RNF145: variants seen among roughly 807,000 people sequenced by gnomAD.
RNF145 encodes ring finger protein 145.
Under a neutral mutation model 57.3 loss-of-function variants are expected in RNF145, and 12 were observed. That is an observed-to-expected ratio of 0.21 (90% CI 0.13 to 0.34). The LOEUF (loss-of-function observed/expected upper bound fraction) is 0.34, where lower values mean the gene tolerates loss of function less well. Among genes scored for constraint, RNF145 ranks in the 10% least tolerant of loss-of-function variants. The pLI, the probability that RNF145 is intolerant of heterozygous loss-of-function variation, is 1.00. For missense variants in RNF145, 429 were observed against 799.0 expected, an observed-to-expected ratio of 0.54 and a Z score of 5.58; for synonymous variants, 262 against 288.3, an observed-to-expected ratio of 0.91 and a Z score of 0.92.
chr5:159,198,688 A>T (rs569376726), intron 2 of RNF145, among the ~76,000 whole-genome samples: 1 of 152,224 alleles, frequency 6.6e-6, no homozygotes, highest in South Asian at 2.1e-4. Context: ...AAATGTCCAT[A>T]GGCTATTTAG....
At chr5:159,170,788 G>C (rs1784524519) in intron 6 of RNF145, among the ~76,000 whole-genome samples, 1 of 152,188 alleles carries the variant, frequency 6.6e-6, no homozygotes, top group Admixed American at 6.6e-5. Flanking sequence ...ACAAGGTCTT[G>C]CTATGTTGCC....
chr5:159,209,306 C>A lies in RNF145; in HGVS notation c.-115G>T. ...TCCGCAACTCCCCGGCTCTCTCGCCCGCCCTCCCGTTCTCCTCGGGCGGCG... is the reference window on the plus strand; with the variant it reads ...TCCGCAACTCCCCGGCTCTCTCGCCAGCCCTCCCGTTCTCCTCGGGCGGCG... On this transcript the variant is annotated 5_prime_UTR_variant, in exon 1 of 11. Coordinates refer to ENST00000424310, the MANE Select transcript of RNF145 (RefSeq NM_001199383.2). 1.0e-6 allele frequency: 1 copy of A among 985,514 alleles called. No homozygotes were observed. The highest frequency in any genetic ancestry group is 1.2e-6 in the Non-Finnish European group (1 of 829,944). 61.0% of individuals were successfully genotyped at this position (985,514 alleles called of 1,614,324 possible). A position where few individuals can be genotyped will look rare whatever the true frequency, so the allele number is the denominator to read the frequency against.
intron 6 of RNF145, among the ~76,000 whole-genome samples, chr5:159,170,104 A>G (rs1003108606): frequency 3.3e-5 from 5 of 152,228 alleles, no homozygotes; most frequent in African/African-American, 1.2e-4. Flanking sequence ...AAATGTTCAC[A>G]TCTTAAGAAA....
intron 3 of RNF145, among the ~76,000 whole-genome samples, chr5:159,194,360 C>T (rs35745170): frequency 0.11 from 16,910 of 152,148 alleles, 1,265 homozygotes; most frequent in East Asian, 0.29. Flanking sequence ...TTAGTAGAGA[C>T]GAGGTTTCAC....
At position 159,161,388 on chromosome 5, in the gene RNF145, C is replaced by A; in HGVS notation, c.1504G>T (p.Ala502Ser). Residue 502 changes from alanine (A) to serine (S), a missense_variant, in exon 10 of 11, where the codon GCC becomes TCC. By Grantham distance (99) the Ala-to-Ser change is moderately conservative. Transcript: ENST00000424310. Reference sequence around the variant, plus strand: ...AGAAAGCTCTTCCACCCCAGCTGGGCCCGAAGCCACACGTTATAGTAGGAA... The same window carrying A: ...AGAAAGCTCTTCCACCCCAGCTGGGACCGAAGCCACACGTTATAGTAGGAA... ...IHSYYNVWLRAQLGWKSFLLR... is the reference protein window; with the variant it reads ...IHSYYNVWLRSQLGWKSFLLR... The A allele has an allele frequency of 6.2e-7, 1 of 1,614,168 alleles. No individual in the cohort carries two copies. The highest frequency in any genetic ancestry group is 8.5e-7 in the Non-Finnish European group (1 of 1,180,000).
intron 3 of RNF145, among the ~76,000 whole-genome samples, chr5:159,193,844 T>C (rs1242088739): frequency 6.6e-6 from 1 of 152,222 alleles, no homozygotes; most frequent in Non-Finnish European, 1.5e-5. Context: ...ATATGCAAGG[T>C]CACTCCTCTT....
In RNF145 at chr5:159,207,775, T is replaced by C. The variant is rs748778745; in HGVS notation, c.-40+1456A>G. On this transcript the variant is annotated intron_variant, in intron 1 of 10. Coordinates refer to ENST00000424310, the MANE Select transcript of RNF145 (RefSeq NM_001199383.2). ...TGTACCTGATCTCCACATAAACTACTAGCAATTCTGTGGTTTCTCATCATC... is the reference window on the plus strand; with the variant it reads ...TGTACCTGATCTCCACATAAACTACCAGCAATTCTGTGGTTTCTCATCATC... 4 of 1,614,180 alleles carry C rather than the reference T, an allele frequency of 2.5e-6. No individual in the cohort carries two copies. In the Admixed American group the frequency reaches 5.0e-5, roughly 20 times the overall value.
rs1372661039 is a variant in RNF145 at position 159,157,580 on chromosome 5, T to A, written c.*1090A>T. On this transcript the variant is annotated 3_prime_UTR_variant, in exon 11 of 11. Transcript: ENST00000424310. ...AATAAATGACTAGTTTCTTTTCATA[T>A]CAAAATTCCCATAAAAAATTACATT... is the stretch of plus-strand genomic sequence containing the variant. 1 of 151,148 alleles carries A rather than the reference T, an allele frequency of 6.6e-6. No individual in the cohort carries two copies. The highest frequency in any genetic ancestry group is 1.5e-5 in the Non-Finnish European group (1 of 67,134). The allele number at this position is 151,148 out of a possible 1,614,324, so 9.4% of individuals were successfully genotyped here.
intron 3 of RNF145, among the ~76,000 whole-genome samples, chr5:159,193,807 T>C (rs1006056448): frequency 3.3e-5 from 5 of 152,196 alleles, no homozygotes; most frequent in African/African-American, 1.2e-4. Flanking sequence ...CCAAAATCTG[T>C]TTCAGACTCT....
intron 2 of RNF145, among the ~76,000 whole-genome samples, chr5:159,196,350 C>A (rs1785461429): frequency 1.3e-5 from 2 of 151,890 alleles, no homozygotes; most frequent in South Asian, 2.1e-4. Context: ...AGATTGGACA[C>A]CCTGATATAC....
rs1391580300 is a variant in RNF145 at position 159,192,670 on chromosome 5, C to T, written c.293+2046G>A. 3.3e-5 allele frequency among the ~76,000 whole-genome samples: 5 copies of T among 152,110 alleles called. No individual in the cohort carries two copies. The South Asian group carries it at 8.3e-4, about 25-fold the overall frequency. On this transcript the variant is annotated intron_variant, in intron 3 of 10. Coordinates refer to ENST00000424310, the MANE Select transcript of RNF145 (RefSeq NM_001199383.2). ...AAACTGTGGTAAGAGCTTTATATAC[C>T]TTATCTTATTTGATCTTACAACAGC...
Position 159,209,335 on chromosome 5 carries a change from G to A in RNF145, c.-144C>T, listed in dbSNP as rs1786022613. 4 of 985,780 alleles carry A rather than the reference G, an allele frequency of 4.1e-6. No homozygotes were observed. The highest frequency in any genetic ancestry group is 4.8e-6 in the Non-Finnish European group (4 of 830,012). The allele number at this position is 985,780 out of a possible 1,614,324, so 61.1% of individuals were successfully genotyped here. A position where few individuals can be genotyped will look rare whatever the true frequency, so the allele number is the denominator to read the frequency against. ...CTCCCGTTCTCCTCGGGCGGCGGCG[G>A]GGGCCGGTACGGCACGGCTCACAGC... is the stretch of plus-strand genomic sequence containing the variant. On this transcript the variant is annotated 5_prime_UTR_variant, in exon 1 of 11. Transcript: ENST00000424310.
intron 3 of RNF145, among the ~76,000 whole-genome samples, chr5:159,186,163 G>A (rs1785048062): frequency 6.6e-6 from 1 of 152,088 alleles, no homozygotes; most frequent in Non-Finnish European, 1.5e-5. Context: ...AGGGGCAGGG[G>A]TTGCAGTGAG....
chr5:159,185,008 C>T (rs1261592479), intron 3 of RNF145, among the ~76,000 whole-genome samples: 1 of 152,172 alleles, frequency 6.6e-6, no homozygotes, highest in Non-Finnish European at 1.5e-5. Flanking sequence ...TTGTCCTCCT[C>T]TAGGATCCCA....
intron 1 of RNF145, chr5:159,207,497 A>G: frequency 6.5e-7 from 1 of 1,527,504 alleles, no homozygotes; most frequent in Non-Finnish European, 8.8e-7. Context: ...TCTTTCTCCC[A>G]ACCAGTTAAA....
chr5:159,187,109 T>A (rs1183378761), intron 3 of RNF145, among the ~76,000 whole-genome samples: 2 of 151,500 alleles, frequency 1.3e-5, no homozygotes, highest in African/African-American at 4.8e-5. Context: ...GGTGAAAGCC[T>A]GTCTATACTA....
rs949872602 is a variant in RNF145 at position 159,181,835 on chromosome 5, G to A, written c.385+125C>T. ...AAACCACCAAACAATGGGTATATGT[G>A]GGAAAAGTCCCCATGAATCACTTTT... On this transcript the variant is annotated intron_variant, in intron 4 of 10. Coordinates refer to ENST00000424310, the MANE Select transcript of RNF145 (RefSeq NM_001199383.2). 1.3e-5 allele frequency: 8 copies of A among 604,726 alleles called. No individual in the cohort carries two copies. The Admixed American group carries it at 1.9e-4, about 14-fold the overall frequency. 37.5% of individuals were successfully genotyped at this position (604,726 alleles called of 1,614,324 possible).
intron 4 of RNF145, among the ~76,000 whole-genome samples, chr5:159,181,362 TA>T (rs1784888067): frequency 6.6e-6 from 1 of 152,080 alleles, no homozygotes; most frequent in Non-Finnish European, 1.5e-5. Flanking sequence ...TCTCTAATAT[TA>T]GGCCTGTTAA....
intron 9 of RNF145, among the ~76,000 whole-genome samples, chr5:159,162,420 A>ATTTTTTT (rs1188848279): frequency 2.5e-5 from 3 of 120,024 alleles, no homozygotes; most frequent in African/African-American, 1.1e-4. Flanking sequence ...TTTATGTAAT[A>ATTTTTTT]TTTTCTTTTT....
Sources: gnomAD v4.1 joint callset for allele counts (sites outside exome capture counted in the v4.1 genomes callset) on GRCh38, gnomAD v4.1.1 for gene constraint, MANE v1.5 for transcripts, NCBI Gene and HGNC (gene_info 2026-07-23, HGNC 2026-07-21) for gene names.